The following PLXNA2 variants were observed in gnomAD, a reference collection of about 807,000 sequenced individuals.
PLXNA2 encodes the protein plexin A2.
PLXNA2 carries 91 observed loss-of-function variants against 193.5 expected under a neutral mutation model. The ratio of observed to expected loss-of-function variants is 0.47; its 90% CI spans 0.40 to 0.56. PLXNA2 has a LOEUF of 0.56. Among genes scored for constraint, PLXNA2 ranks in the 20% least tolerant of loss-of-function variants. The pLI is 0.00. For synonymous variants in PLXNA2, 997 were observed against 1,027.3 expected (o/e 0.97, Z 0.56); for missense variants, 1,995 against 2,503.2 (o/e 0.80, Z 4.33).
chr1:208,079,250 C>T lies in PLXNA2; in HGVS notation c.2586+10G>A, dbSNP rs755694258. On this transcript the variant is annotated intron_variant, in intron 12 of 31. Coordinates refer to ENST00000367033, the MANE Select transcript of PLXNA2 (RefSeq NM_025179.4). ...CACCCCTTCCTGCTCTAGAGACTTG[C>T]AGGACTTACCTCGGTGATTTGAGGG... 2.5e-6 allele frequency: 4 copies of T among 1,595,412 alleles called. No homozygotes were observed. The South Asian group carries it at 3.3e-5, about 13-fold the overall frequency.
At chr1:208,093,027 G>T in intron 8 of PLXNA2, 127 bp from the exon 9 acceptor site, 1 of 608,284 alleles carries the variant, frequency 1.6e-6, no homozygotes. Flanking sequence ...AAGACTGGTG[G>T]GCCATCCTCT....
At chr1:208,076,308 G>A (rs891024650) in intron 12 of PLXNA2, among the ~76,000 whole-genome samples, 6 of 152,024 alleles carry the variant, frequency 3.9e-5, no homozygotes, top group South Asian at 2.1e-4. Context: ...TGAACTCCTG[G>A]CTTCAAGCAA....
chr1:208,121,194 G>A (rs1051622295), intron 4 of PLXNA2, among the ~76,000 whole-genome samples: 3 of 152,162 alleles, frequency 2.0e-5, no homozygotes, highest in Admixed American at 6.5e-5. Flanking sequence ...CACCATGAGC[G>A]AGAGCTGGGC....
intron 28 of PLXNA2, among the ~76,000 whole-genome samples, chr1:208,033,004 C>T (rs996261615): frequency 1.3e-5 from 2 of 151,942 alleles, no homozygotes; most frequent in African/African-American, 4.8e-5. Context: ...GGAAGCCCTG[C>T]CCAGGGAACT....
intron 1 of PLXNA2, among the ~76,000 whole-genome samples, chr1:208,238,403 C>A (rs1671937196): frequency 6.6e-6 from 1 of 152,152 alleles, no homozygotes; most frequent in Admixed American, 6.5e-5. Flanking sequence ...CTCTATCCTC[C>A]CTTCCCCCTG....
Position 208,038,401 on chromosome 1 carries a change from C to A in PLXNA2, c.4734G>T (p.Trp1578Cys). 2 of 1,613,866 alleles carry A rather than the reference C, an allele frequency of 1.2e-6. No homozygotes were observed. Among genetic ancestry groups the A allele is most frequent in the South Asian group, 1.1e-5 (1 of 91,070 alleles). Residue 1578 changes from tryptophan (W) to cysteine (C), a missense_variant, in exon 26 of 32, where the codon TGG becomes TGT. Coordinates refer to ENST00000367033, the MANE Select transcript of PLXNA2 (RefSeq NM_025179.4). The surrounding 1 kb of genome is among the most constrained non-coding windows in gnomAD (Gnocchi z 4.1). ...EDITTKIEGD[W>C]KRLNTLMHYQ... ...AATGCATCAGTGTGTTGAGCCGCTT[C>A]CAGTCACCCTCAATCTTGGTGGTGA...
At chr1:208,201,842 C>G (rs567848125) in intron 3 of PLXNA2, among the ~76,000 whole-genome samples, 1 of 152,142 alleles carries the variant, frequency 6.6e-6, no homozygotes, top group Admixed American at 6.5e-5. Context: ...CACTCCATCC[C>G]TTCCATGAAT....
chr1:208,116,952 AT>A (rs1212158099), intron 4 of PLXNA2, among the ~76,000 whole-genome samples: 1 of 152,156 alleles, frequency 6.6e-6, no homozygotes, highest in Non-Finnish European at 1.5e-5. Flanking sequence ...GGGCAGGATC[AT>A]TTGAGTTCAG....
intron 1 of PLXNA2, among the ~76,000 whole-genome samples, chr1:208,223,231 GTTT>G (rs5780442): frequency 7.1e-6 from 1 of 141,660 alleles, no homozygotes; most frequent in Non-Finnish European, 1.5e-5. Flanking sequence ...CCAACCCACT[GTTT>G]TTTTTTTTTT....
intron 3 of PLXNA2, among the ~76,000 whole-genome samples, chr1:208,200,163 A>T (rs1367854858): frequency 6.6e-6 from 1 of 152,198 alleles, no homozygotes; most frequent in African/African-American, 2.4e-5. Context: ...GCTGATTGGG[A>T]CAACCCAACG....
At chr1:208,118,270 A>G (rs1332016274) in intron 4 of PLXNA2, among the ~76,000 whole-genome samples, 2 of 152,246 alleles carry the variant, frequency 1.3e-5, no homozygotes, top group East Asian at 3.9e-4. Flanking sequence ...ATGGTTCAGC[A>G]GACCATTTTT....
At chr1:208,162,035 C>G (rs551395861) in intron 3 of PLXNA2, among the ~76,000 whole-genome samples, 8 of 152,186 alleles carry the variant, frequency 5.3e-5, no homozygotes, top group African/African-American at 9.7e-5. Context: ...TCCCCTTCTT[C>G]GCCCTGGAGT....
chr1:208,226,296 G>A (rs1228338318), intron 1 of PLXNA2, among the ~76,000 whole-genome samples: 3 of 151,798 alleles, frequency 2.0e-5, no homozygotes, highest in Non-Finnish European at 4.4e-5. Flanking sequence ...CCTCCTCCAG[G>A]CACAAGCCCT....
At chr1:208,127,750 G>A (rs567465473) in intron 4 of PLXNA2, among the ~76,000 whole-genome samples, 9 of 152,320 alleles carry the variant, frequency 5.9e-5, no homozygotes, top group Non-Finnish European at 1.2e-4. Context: ...GCTGACTTAC[G>A]GAGTAACTCC....
Position 208,096,033 on chromosome 1 carries a change from G to T in PLXNA2, c.1978C>A (p.Gln660Lys), listed in dbSNP as rs1002763026. Residue 660 changes from glutamine (Q) to lysine (K), a missense_variant, in exon 8 of 32, where the codon CAA becomes AAA. Transcript: ENST00000367033. ...CCCTTTCTAATAAGCACTTACAGTT[G>T]GTGGGCACTGCAGTTGTAAAACTTG... ...EFKFYNCSAH[Q>K]LCLSCVNSAF... is the part of the protein sequence containing the mutation. 1 of 1,610,686 alleles carries T rather than the reference G, an allele frequency of 6.2e-7. No homozygotes were observed.
At chr1:208,027,420 C>G (rs1664375289) in intron 31 of PLXNA2, 82 bp from the exon 32 acceptor site, 1 of 1,064,166 alleles carries the variant, frequency 9.4e-7, no homozygotes, top group Non-Finnish European at 1.4e-6. Context: ...CCTCTTTGCC[C>G]TCTGTCTACC....
chr1:208,068,356 A>C (rs1487682708), intron 12 of PLXNA2, among the ~76,000 whole-genome samples: 1 of 152,162 alleles, frequency 6.6e-6, no homozygotes, highest in Non-Finnish European at 1.5e-5. Context: ...CTCTTCCTGC[A>C]ATCTCCCTTG....
Position 208,084,536 on chromosome 1 carries a change from G to A in PLXNA2, c.2142C>T (p.Val714=), listed in dbSNP as rs1414442642. 23 of 1,614,210 alleles carry A rather than the reference G, an allele frequency of 1.4e-5. No individual in the cohort carries two copies. The highest frequency in any genetic ancestry group is 9.3e-5 in the African/African-American group (7 of 75,066). The change falls in exon 10 of 32, where the codon GTC becomes GTT. Residue 714 remains valine, a synonymous_variant. Coordinates refer to ENST00000367033, the MANE Select transcript of PLXNA2 (RefSeq NM_025179.4). Reference sequence around the variant, plus strand: ...TAAGGGTGATTGGCTTTACCTCCCCGACTGGAATCAAGATCTCCTCTGTGG... The same window carrying A: ...TAAGGGTGATTGGCTTTACCTCCCCAACTGGAATCAAGATCTCCTCTGTGG... ...LVPTEEILIP[V]GEVKPITLKA...
intron 3 of PLXNA2, among the ~76,000 whole-genome samples, chr1:208,155,440 T>C (rs1275389817): frequency 1.3e-5 from 2 of 152,146 alleles, no homozygotes; most frequent in African/African-American, 4.8e-5. Flanking sequence ...TTGTGTAAAG[T>C]ACTAAAGCAT....
Sources: gnomAD v4.1 joint callset for allele counts (sites outside exome capture counted in the v4.1 genomes callset) on GRCh38, gnomAD v4.1.1 for gene constraint, Gnocchi (gnomAD v3.1) non-coding constraint, MANE v1.5 for transcripts, NCBI Gene and HGNC (gene_info 2026-07-23, HGNC 2026-07-21) for gene names.